FOLH1: variants seen among roughly 807,000 people sequenced by gnomAD.
The protein encoded by FOLH1 is folate hydrolase 1.
Under a neutral mutation model 93.9 loss-of-function variants are expected in FOLH1, and 54 were observed. That is an observed-to-expected ratio of 0.57 (90% CI 0.46 to 0.72). The LOEUF (loss-of-function observed/expected upper bound fraction) is 0.72, where lower values mean the gene tolerates loss of function less well. Ranked by LOEUF, FOLH1 falls within the 30% of genes least tolerant of loss-of-function variation. FOLH1 has a pLI of 0.00. For synonymous variants in FOLH1, 249 were observed against 303.6 expected, an observed-to-expected ratio of 0.82 and a Z score of 1.87; for missense variants, 571 against 892.5, an observed-to-expected ratio of 0.64 and a Z score of 4.59.
Position 49,145,588 on chromosome 11 carries a change from A to C in FOLH1, c.*1168T>G, listed in dbSNP as rs2134801047. On this transcript the variant is annotated 3_prime_UTR_variant, in exon 19 of 19. Transcript: ENST00000256999. Reference sequence around the variant, plus strand: ...GAGTTCTGAAGTGTCAATTTGAAGCAGATTCTTCAAGGGCAACACTACAGC... The same window carrying C: ...GAGTTCTGAAGTGTCAATTTGAAGCCGATTCTTCAAGGGCAACACTACAGC... 6.6e-6 allele frequency among the ~76,000 whole-genome samples: 1 copy of C among 152,296 alleles called. No individual in the cohort carries two copies. The highest frequency in any genetic ancestry group is 2.1e-4 in the South Asian group (1 of 4,832).
At chr11:49,188,638 C>A (rs1174684898) in intron 4 of FOLH1, among the ~76,000 whole-genome samples, 1 of 151,750 alleles carries the variant, frequency 6.6e-6, no homozygotes, top group Non-Finnish European at 1.5e-5. Flanking sequence ...AGAAATATAT[C>A]TTTGAATGCA....
intron 7 of FOLH1, among the ~76,000 whole-genome samples, chr11:49,180,050 C>T (rs1418530690): frequency 1.3e-5 from 2 of 152,190 alleles, no homozygotes; most frequent in Non-Finnish European, 2.9e-5. Context: ...GAGGTGGCTA[C>T]TAAATGCTTG....
chr11:49,188,085 C>T (rs1216256876), intron 4 of FOLH1, among the ~76,000 whole-genome samples: 1 of 152,160 alleles, frequency 6.6e-6, no homozygotes, highest in Non-Finnish European at 1.5e-5. Context: ...AATCTATTAC[C>T]TTAAATATGG....
intron 2 of FOLH1, among the ~76,000 whole-genome samples, chr11:49,204,755 C>T (rs1335867817): frequency 6.6e-6 from 1 of 152,066 alleles, no homozygotes. Context: ...TCTATGCATA[C>T]CTATGTGCAT....
At chr11:49,177,786 A>ATT in intron 7 of FOLH1, among the ~76,000 whole-genome samples, 2 of 26,064 alleles carry the variant, frequency 7.7e-5, no homozygotes, top group Middle Eastern at 0.048. Context: ...CGTCTCTACT[A>ATT]AAAAAAAAAA....
chr11:49,158,295 A>G (rs1333043953), intron 13 of FOLH1, among the ~76,000 whole-genome samples: 2 of 152,182 alleles, frequency 1.3e-5, no homozygotes, highest in African/African-American at 4.8e-5. Context: ...CACCAAATTC[A>G]TACCAAGCCA....
intron 1 of FOLH1, chr11:49,207,880 G>C: frequency 2.2e-6 from 1 of 461,138 alleles, no homozygotes. Context: ...GGTTCACACA[G>C]TTCCCAAGCT....
Position 49,154,427 on chromosome 11 carries a change from T to C in FOLH1, c.1689A>G (p.Glu563=). The change falls in exon 16 of 19, where the codon GAA becomes GAG. Residue 563 remains glutamate (E), a synonymous_variant. Transcript: ENST00000256999. ...HSVYETYELV[E]KFYDPMFKYH... ...ATTTAAACATTGGATCATAAAACTT[T>C]TCCACCAACTCATATGTTTCATAGA... 1 of 1,611,426 alleles carries C rather than the reference T, an allele frequency of 6.2e-7. No homozygotes were observed.
At position 49,169,900 on chromosome 11, in the gene FOLH1, A is replaced by AAAT; in HGVS notation, c.1309-645_1309-643dup. On this transcript the variant is annotated intron_variant, in intron 11 of 18. Coordinates refer to ENST00000256999, the MANE Select transcript of FOLH1 (RefSeq NM_004476.3). ...CTAAGCATTCTGACTATAAGATAAA[A>AAAT]AATGAAAAAAATACAACTGTAAGTG... is the stretch of plus-strand genomic sequence containing the variant. Among the ~76,000 whole-genome samples, 3 of 152,340 alleles carry AAAT rather than the reference A, an allele frequency of 2.0e-5. No homozygotes were observed. The South Asian group carries it at 6.2e-4, about 32-fold the overall frequency.
intron 7 of FOLH1, among the ~76,000 whole-genome samples, chr11:49,180,968 T>C (rs530218308): frequency 5.9e-4 from 90 of 152,198 alleles, no homozygotes; most frequent in Non-Finnish European, 1.1e-3. Context: ...ATAATTCCAT[T>C]ACACAATCAG....
intron 18 of FOLH1, among the ~76,000 whole-genome samples, chr11:49,147,626 G>A (rs2134821864): frequency 6.6e-6 from 1 of 152,214 alleles, no homozygotes; most frequent in South Asian, 2.1e-4. Context: ...AAACTCCATA[G>A]TAAAGATGTA....
chr11:49,166,499 C>A (rs1229491828), intron 12 of FOLH1, among the ~76,000 whole-genome samples: 1 of 152,020 alleles, frequency 6.6e-6, no homozygotes, highest in African/African-American at 2.4e-5. Context: ...GAGATAGCAC[C>A]CACTACGCTC....
chr11:49,173,406 T>C lies in FOLH1; in HGVS notation c.1176A>G (p.Ala392=). The part of the protein sequence containing the change: ...VFGGIDPQSG[A]AVVHEIVRSF... ...TCCTCACAATTTCATGAACAACAGC[T>C]GCTCCACTCTGAGGGTCAATACCAC... Residue 392 remains alanine (A), a synonymous_variant, in exon 10 of 19, where the codon GCA becomes GCG. Transcript: ENST00000256999. 6.2e-7 allele frequency: 1 copy of C among 1,612,466 alleles called. No individual in the cohort carries two copies. The highest frequency in any genetic ancestry group is 8.5e-7 in the Non-Finnish European group (1 of 1,178,888).
chr11:49,207,912 A>C (rs1864147125), intron 1 of FOLH1: 2 of 469,592 alleles, frequency 4.3e-6, no homozygotes, highest in Non-Finnish European at 8.5e-6. Context: ...CTTCCAAGGA[A>C]GAAAGAATGC....
intron 7 of FOLH1, among the ~76,000 whole-genome samples, chr11:49,178,944 C>T (rs898738727): frequency 3.3e-5 from 5 of 152,198 alleles, no homozygotes; most frequent in African/African-American, 9.6e-5. Context: ...TAAATATATA[C>T]AAGACTCAGT....
chr11:49,167,774 G>A (rs556994238), intron 12 of FOLH1, among the ~76,000 whole-genome samples: 52 of 151,954 alleles, frequency 3.4e-4, no homozygotes, highest in African/African-American at 1.1e-3. Flanking sequence ...ATCGCTCCAC[G>A]CACTCCAACC....
chr11:49,202,576 A>T (rs1863389279), intron 2 of FOLH1, among the ~76,000 whole-genome samples: 1 of 152,180 alleles, frequency 6.6e-6, no homozygotes, highest in Non-Finnish European at 1.5e-5. Context: ...ACAGAGTCTC[A>T]CTCAAGGCAT....
chr11:49,206,555 A>G (rs141309078), intron 1 of FOLH1, among the ~76,000 whole-genome samples: 9,057 of 152,300 alleles, frequency 0.059, 368 homozygotes, highest in Non-Finnish European at 0.092. Context: ...TAAAGTTTCT[A>G]TCTTCCTCTG....
intron 7 of FOLH1, among the ~76,000 whole-genome samples, chr11:49,177,785 T>TTA (rs1554993646): frequency 9.6e-6 from 1 of 104,080 alleles, no homozygotes. Context: ...CCGTCTCTAC[T>TTA]AAAAAAAAAA....
Sources: gnomAD v4.1 joint callset for allele counts (sites outside exome capture counted in the v4.1 genomes callset) on GRCh38, gnomAD v4.1.1 for gene constraint, MANE v1.5 for transcripts, NCBI Gene and HGNC (gene_info 2026-07-23, HGNC 2026-07-21) for gene names.